Variants in ETHE1 observed in about 807,000 individuals in gnomAD.
ETHE1 encodes persulfide dioxygenase ETHE1, mitochondrial.
ETHE1 carries 16 observed loss-of-function variants against 25.7 expected under a neutral mutation model. The observed-to-expected ratio is 0.62, with a 90% CI of 0.42 to 0.95. ETHE1 has a LOEUF of 0.95. Ranked by LOEUF, ETHE1 falls within the 40% of genes least tolerant of loss-of-function variation. The pLI, the probability that ETHE1 is intolerant of heterozygous loss-of-function variation, is 0.00. For missense variants in ETHE1, 300 were observed against 333.6 expected (o/e 0.90, Z 0.79); for synonymous variants, 139 against 135.9 (o/e 1.02, Z -0.16).
chr19:43,516,813 A>G (rs1442134457), intron 3 of ETHE1, among the ~76,000 whole-genome samples: 2 of 151,858 alleles, frequency 1.3e-5, no homozygotes, highest in Non-Finnish European at 2.9e-5. Context: ...GTTATTTAGT[A>G]GAGACGAGGT....
chr19:43,509,832 A>G (rs150690056), intron 4 of ETHE1, among the ~76,000 whole-genome samples: 7 of 152,234 alleles, frequency 4.6e-5, no homozygotes, highest in African/African-American at 1.7e-4. Flanking sequence ...AACTGCAGAC[A>G]TGAGGACATG....
At chr19:43,526,766 C>T in intron 1 of ETHE1, 107 bp from the exon 2 acceptor site, 1 of 1,568,520 alleles carries the variant, frequency 6.4e-7, no homozygotes, top group South Asian at 1.2e-5. Context: ...GAAGCAGAAA[C>T]CCCAGCCCAC....
chr19:43,526,592 A>T lies in ETHE1; in HGVS notation c.149T>A (p.Leu50Gln), dbSNP rs1309080740. ...LGDRESREAV[L>Q]IDPVLETAPR... ...CGCTGTTTCCAGGACTGGGTCGATC[A>T]GAACGGCCTCCCGGGACTCTCTGTC... Residue 50 changes from leucine to glutamine, a missense_variant, in exon 2 of 7, where the codon CTG (leucine) becomes CAG (glutamine). Transcript: ENST00000292147. The T allele has an allele frequency of 6.2e-7, 1 of 1,614,120 alleles. No individual in the cohort carries two copies. Among genetic ancestry groups the T allele is most frequent in the Admixed American group, 1.7e-5 (1 of 60,008 alleles).
At chr19:43,525,116 A>C (rs948809956) in intron 3 of ETHE1, among the ~76,000 whole-genome samples, 4 of 146,448 alleles carry the variant, frequency 2.7e-5, no homozygotes, top group Non-Finnish European at 6.0e-5. Context: ...ACAGAGACCC[A>C]GTCTCAAATA....
intron 3 of ETHE1, among the ~76,000 whole-genome samples, chr19:43,516,246 C>T (rs903580833): frequency 2.6e-5 from 4 of 152,126 alleles, no homozygotes; most frequent in African/African-American, 9.7e-5. Flanking sequence ...TCTACACATA[C>T]CCTGTGGCTC....
Position 43,508,809 on chromosome 19 carries a change from T to G in ETHE1, c.561A>C (p.Gly187=), listed in dbSNP as rs1223879619. 2 of 1,608,688 alleles carry G rather than the reference T, an allele frequency of 1.2e-6. No homozygotes were observed. Among genetic ancestry groups the G allele is most frequent in the Admixed American group, 3.4e-5 (2 of 59,110 alleles). The change falls in exon 5 of 7, where the codon GGA becomes GGC. Residue 187 remains glycine, a synonymous_variant. Coordinates refer to ENST00000292147, the MANE Select transcript of ETHE1 (RefSeq NM_014297.5). ...SVHEKIFTLP[G]DCLIYPAHDY... The stretch of plus-strand genomic sequence containing the variant: ...CGTGAGCAGGGTAGATCAGACAGTC[T>G]CCTGGAAGTGTGAAGATCTTTTCAT...
chr19:43,525,154 G>A (rs997624030), intron 3 of ETHE1, among the ~76,000 whole-genome samples: 173 of 134,014 alleles, frequency 1.3e-3, no homozygotes, highest in African/African-American at 3.7e-3. Context: ...AAGAAAGAAA[G>A]AAAAAAAAAA....
chr19:43,520,406 G>A (rs566336187), intron 3 of ETHE1, among the ~76,000 whole-genome samples: 1 of 151,756 alleles, frequency 6.6e-6, no homozygotes, highest in Admixed American at 6.6e-5. Context: ...GATGTACACT[G>A]TAAAAAAAAA....
intron 3 of ETHE1, among the ~76,000 whole-genome samples, chr19:43,516,623 CTTTTTTTTTTTT>C (rs71169249): frequency 9.1e-6 from 1 of 110,172 alleles, no homozygotes; most frequent in African/African-American, 3.5e-5. Flanking sequence ...TTCTTTTTTT[CTTTTTTTTTTTT>C]TTTTTTGAGA....
At chr19:43,515,165 C>A (rs1971993805) in intron 3 of ETHE1, among the ~76,000 whole-genome samples, 1 of 151,874 alleles carries the variant, frequency 6.6e-6, no homozygotes, top group Non-Finnish European at 1.5e-5. Flanking sequence ...ACCTGTAATC[C>A]CAGCACTTTG....
intron 3 of ETHE1, among the ~76,000 whole-genome samples, chr19:43,516,323 A>G (rs746140190): frequency 1.1e-4 from 16 of 151,628 alleles, no homozygotes; most frequent in Non-Finnish European, 1.6e-4. Context: ...TTTTTTAACC[A>G]GAGTCTCACT....
intron 3 of ETHE1, among the ~76,000 whole-genome samples, chr19:43,521,422 C>T (rs1972136494): frequency 6.6e-6 from 1 of 152,164 alleles, no homozygotes; most frequent in South Asian, 2.1e-4. Flanking sequence ...CCCTGCCCTA[C>T]ACCCCTGCTG....
chr19:43,525,910 G>A (rs556547528), intron 3 of ETHE1: 5 of 485,104 alleles, frequency 1.0e-5, no homozygotes, highest in Non-Finnish European at 1.9e-5. Flanking sequence ...AACTTTTATG[G>A]AGATGCATGC....
chr19:43,524,720 C>T (rs533886486), intron 3 of ETHE1, among the ~76,000 whole-genome samples: 1 of 152,214 alleles, frequency 6.6e-6, no homozygotes, highest in East Asian at 1.9e-4. Flanking sequence ...ATGAGGATCA[C>T]CTGAGCCCAG....
At chr19:43,518,999 GTTTTTTT>G (rs71169253) in intron 3 of ETHE1, among the ~76,000 whole-genome samples, 1 of 91,012 alleles carries the variant, frequency 1.1e-5, no homozygotes, top group East Asian at 4.0e-4. Context: ...ATTTGTGCTT[GTTTTTTT>G]TTTTTTTTTT....
intron 3 of ETHE1, among the ~76,000 whole-genome samples, chr19:43,516,178 G>T (rs1366710479): frequency 6.6e-6 from 1 of 152,172 alleles, no homozygotes; most frequent in Non-Finnish European, 1.5e-5. Flanking sequence ...CTTGGATCCG[G>T]AATATATAAA....
intron 3 of ETHE1, among the ~76,000 whole-genome samples, chr19:43,516,826 C>A (rs951390117): frequency 6.6e-6 from 1 of 151,916 alleles, no homozygotes; most frequent in Non-Finnish European, 1.5e-5. Flanking sequence ...GACGAGGTTT[C>A]ATCATGTTGA....
intron 3 of ETHE1, 43 bp downstream of exon 3, chr19:43,526,158 A>G: frequency 6.2e-7 from 1 of 1,613,914 alleles, no homozygotes; most frequent in Non-Finnish European, 8.5e-7. Flanking sequence ...AAGTTTAAGA[A>G]GTCCAGGCCA....
intron 5 of ETHE1, 151 bp from the exon 6 acceptor site, chr19:43,508,211 G>T: frequency 7.7e-7 from 1 of 1,304,500 alleles, no homozygotes; most frequent in Non-Finnish European, 1.0e-6. Context: ...TGGACACTAT[G>T]GGAAATTTAG....
Sources: allele counts gnomAD v4.1 joint callset (sites outside exome capture counted in the v4.1 genomes callset), GRCh38; gene constraint gnomAD v4.1.1; transcripts MANE v1.5; gene names NCBI Gene and HGNC (gene_info 2026-07-23, HGNC 2026-07-21).